The following LRRC8B variants were observed in gnomAD, a reference collection of about 807,000 sequenced individuals.
The protein encoded by LRRC8B is leucine rich repeat containing 8 VRAC subunit B, also known as volume-regulated anion channel subunit LRRC8B.
A neutral mutation model predicts 58.8 loss-of-function variants in LRRC8B; 23 were observed. The ratio of observed to expected loss-of-function variants is 0.39; its 90% CI spans 0.28 to 0.55. The LOEUF (loss-of-function observed/expected upper bound fraction) is 0.55. Among genes scored for constraint, LRRC8B ranks in the 20% least tolerant of loss-of-function variants. The pLI is 0.62. For synonymous variants in LRRC8B, 359 were observed against 374.1 expected (o/e 0.96, Z 0.47); for missense variants, 694 against 936.0 (o/e 0.74, Z 3.37).
intron 1 of LRRC8B, among the ~76,000 whole-genome samples, chr1:89,565,905 A>G (rs1407732345): frequency 6.6e-6 from 1 of 152,174 alleles, no homozygotes; most frequent in African/African-American, 2.4e-5. Context: ...AAAGAGTAGC[A>G]AAAGAGCCCT....
chr1:89,557,363 A>G (rs150189688), intron 1 of LRRC8B, among the ~76,000 whole-genome samples: 1 of 152,336 alleles, frequency 6.6e-6, no homozygotes, highest in Non-Finnish European at 1.5e-5. Flanking sequence ...TACCATCCCA[A>G]GGCCAAAAGC....
In LRRC8B at chr1:89,590,523, G is replaced by C. The variant is rs373700601; in HGVS notation, c.2140-2248G>C. The stretch of plus-strand genomic sequence containing the variant: ...ACTTTCACAGCAGCAATGCTAAGGG[G>C]CTGGCCCTGAGGCCCACTCCCACTA... On this transcript the variant is annotated intron_variant, in intron 5 of 5. Coordinates refer to ENST00000330947, the MANE Select transcript of LRRC8B (RefSeq NM_001369817.2). 5.3e-5 allele frequency among the ~76,000 whole-genome samples: 8 copies of C among 152,220 alleles called. No individual in the cohort carries two copies. In the South Asian group the frequency reaches 6.2e-4, roughly 12 times the overall value.
At chr1:89,534,621 T>G (rs537635661) in intron 1 of LRRC8B, among the ~76,000 whole-genome samples, 1 of 152,326 alleles carries the variant, frequency 6.6e-6, no homozygotes, top group South Asian at 2.1e-4. Context: ...ATTGTTATTA[T>G]GATTTTTCAC....
chr1:89,578,454 C>T (rs1471630406), intron 3 of LRRC8B, among the ~76,000 whole-genome samples: 1 of 152,158 alleles, frequency 6.6e-6, no homozygotes, highest in African/African-American at 2.4e-5. Context: ...CAGTTGTGCC[C>T]TGTAGTTATG....
rs544367081 is a variant in LRRC8B at position 89,597,312 on chromosome 1, T to C, written c.*4269T>C. 13 of 152,284 alleles carry C rather than the reference T, an allele frequency of 8.5e-5. No homozygotes were observed. Among genetic ancestry groups the C allele is most frequent in the African/African-American group, 3.1e-4 (13 of 41,562 alleles). The allele number at this position is 152,284 out of a possible 1,614,324, so 9.4% of individuals were successfully genotyped here. A position where few individuals can be genotyped will look rare whatever the true frequency, so the allele number is the denominator to read the frequency against. On this transcript the variant is annotated 3_prime_UTR_variant, in exon 6 of 6. Transcript: ENST00000330947. The stretch of plus-strand genomic sequence containing the variant: ...TGAGTCGAGATGGCTTTCAGTTGAG[T>C]TTAATTTCATATTTAACTTTTGCAT...
In LRRC8B at chr1:89,583,811, C is replaced by G. The variant is rs1178426042; in HGVS notation, c.1161C>G (p.Phe387Leu). 1 of 1,614,034 alleles carries G rather than the reference C, an allele frequency of 6.2e-7. No individual in the cohort carries two copies. The highest frequency in any genetic ancestry group is 1.7e-5 in the Admixed American group (1 of 60,000). Residue 387 changes from phenylalanine to leucine, a missense_variant, in exon 5 of 6, where the codon TTC becomes TTG. By Grantham distance (22) the Phe-to-Leu change is conservative. This residue lies in a region of LRRC8B where 24 missense variants were observed against 63.2 expected (regional missense o/e 0.38). Transcript: ENST00000330947. This position sits in a 1 kb window ranked among gnomAD's most constrained non-coding sequence, Gnocchi z 5.2. ...DPLYSKRFSI[F>L]LSEVSENKLK... ...TTTATTCCAAACGCTTCTCCATATTCCTATCAGAGGTCAGTGAGAACAAAC... is the reference window on the plus strand; with the variant it reads ...TTTATTCCAAACGCTTCTCCATATTGCTATCAGAGGTCAGTGAGAACAAAC...
At chr1:89,579,873 C>T (rs1219933826) in intron 4 of LRRC8B, among the ~76,000 whole-genome samples, 185 bp downstream of exon 4, 1 of 152,122 alleles carries the variant, frequency 6.6e-6, no homozygotes, top group East Asian at 1.9e-4. Context: ...ACAAATGAAA[C>T]ATGAATTTAG....
rs957496089 is a variant in LRRC8B at position 89,595,552 on chromosome 1, A to G, written c.*2509A>G. The G allele has an allele frequency of 1.3e-5, 2 of 152,152 alleles. No individual in the cohort carries two copies. Among genetic ancestry groups the G allele is most frequent in the African/African-American group, 4.8e-5 (2 of 41,448 alleles). 9.4% of individuals were successfully genotyped at this position (152,152 alleles called of 1,614,324 possible). A position where few individuals can be genotyped will look rare whatever the true frequency, so the allele number is the denominator to read the frequency against. On this transcript the variant is annotated 3_prime_UTR_variant, in exon 6 of 6. Transcript: ENST00000330947. ...ATCACCTACGTAAATTTCTAGAAGA[A>G]TTTACTAGCAGGATTAATAATGAAT...
intron 1 of LRRC8B, among the ~76,000 whole-genome samples, chr1:89,536,701 G>A (rs531393371): frequency 1.4e-4 from 22 of 152,324 alleles, no homozygotes; most frequent in Admixed American, 1.2e-3. Flanking sequence ...AATGGTTCTT[G>A]TTGGGGATTA....
At position 89,584,650 on chromosome 1, in the gene LRRC8B, A is replaced by T; in HGVS notation, c.2000A>T (p.Asn667Ile). The T allele has an allele frequency of 6.2e-7, 1 of 1,614,050 alleles. No individual in the cohort carries two copies. Among genetic ancestry groups the T allele is most frequent in the South Asian group, 1.1e-5 (1 of 91,086 alleles). The change falls in exon 5 of 6, where the codon AAT becomes ATT. Residue 667 changes from asparagine (N) to isoleucine (I), a missense_variant. Around this residue, in one of 5 missense-constraint regions of LRRC8B, gnomAD observed 139 missense variants for 158.2 expected, o/e 0.88. Transcript: ENST00000330947. Reference protein sequence around the residue: ...NLEQLSLDHNNIENLPLQLFL... With the variant: ...NLEQLSLDHNIIENLPLQLFL... ...GAGCAGCTCTCTTTGGACCATAATA[A>T]TATTGAGAATCTGCCCTTGCAGCTT...
intron 1 of LRRC8B, among the ~76,000 whole-genome samples, chr1:89,536,758 T>TA (rs1650569634): frequency 6.6e-6 from 1 of 152,184 alleles, no homozygotes; most frequent in Non-Finnish European, 1.5e-5. Context: ...GCACTTTTGA[T>TA]ACCGAGTATG....
intron 1 of LRRC8B, among the ~76,000 whole-genome samples, chr1:89,536,501 A>C (rs1287527834): frequency 6.6e-6 from 1 of 152,194 alleles, no homozygotes; most frequent in Non-Finnish European, 1.5e-5. Context: ...CATTCAATAC[A>C]TTTTTTTGAG....
At chr1:89,530,194 CAAAA>C (rs776269889) in intron 1 of LRRC8B, among the ~76,000 whole-genome samples, 1 of 115,730 alleles carries the variant, frequency 8.6e-6, no homozygotes, top group Non-Finnish European at 1.9e-5. Flanking sequence ...ACAAAAAATA[CAAAA>C]AAAAAAAAAA....
intron 1 of LRRC8B, among the ~76,000 whole-genome samples, chr1:89,525,225 C>G (rs754820521): frequency 6.6e-6 from 1 of 152,240 alleles, no homozygotes; most frequent in Non-Finnish European, 1.5e-5. Context: ...TGCTCCCTGC[C>G]TTCGGGAGAG....
chr1:89,567,932 CA>C (rs139318161), intron 1 of LRRC8B, among the ~76,000 whole-genome samples: 1 of 151,818 alleles, frequency 6.6e-6, no homozygotes, highest in Non-Finnish European at 1.5e-5. Flanking sequence ...ATATAAGTGG[CA>C]AAAAAAGGTC....
chr1:89,537,883 C>T (rs937720458), intron 1 of LRRC8B, among the ~76,000 whole-genome samples: 3 of 152,220 alleles, frequency 2.0e-5, no homozygotes, highest in African/African-American at 7.2e-5. Context: ...CACTGGTCAC[C>T]AAGTCTGCTG....
At chr1:89,551,837 A>C (rs999410396) in intron 1 of LRRC8B, among the ~76,000 whole-genome samples, 1 of 152,200 alleles carries the variant, frequency 6.6e-6, no homozygotes, top group African/African-American at 2.4e-5. Context: ...ATGGCAATAG[A>C]ATTGACTCAG....
chr1:89,551,392 TA>T (rs1452271956), intron 1 of LRRC8B, among the ~76,000 whole-genome samples: 11 of 152,188 alleles, frequency 7.2e-5, no homozygotes, highest in African/African-American at 2.7e-4. Flanking sequence ...GTGTATGATT[TA>T]AATGACTATG....
At chr1:89,545,460 C>A (rs530411381) in intron 1 of LRRC8B, among the ~76,000 whole-genome samples, 1 of 152,248 alleles carries the variant, frequency 6.6e-6, no homozygotes, top group South Asian at 2.1e-4. Flanking sequence ...AAGAACCAGG[C>A]CTTTTAGCTC....
Sources: gnomAD v4.1 joint callset for allele counts (sites outside exome capture counted in the v4.1 genomes callset) on GRCh38, gnomAD v4.1.1 for gene constraint, gnomAD v4.1.1 regional missense constraint, Gnocchi (gnomAD v3.1) non-coding constraint, MANE v1.5 for transcripts, NCBI Gene and HGNC (gene_info 2026-07-23, HGNC 2026-07-21) for gene names.